The following MYT1L variants were observed in gnomAD, a reference collection of about 807,000 sequenced individuals.
The protein encoded by MYT1L is myelin transcription factor 1 like.
A neutral mutation model predicts 126.7 loss-of-function variants in MYT1L; 12 were observed. That is an observed-to-expected ratio of 0.09 (90% confidence interval 0.06 to 0.15). MYT1L has a LOEUF of 0.15. MYT1L is among the 10% of genes least tolerant of loss of function. The pLI, the probability that MYT1L is intolerant of heterozygous loss-of-function variation, is 1.00. For missense variants in MYT1L, 979 were observed against 1,585.2 expected (o/e 0.62, Z 6.49); for synonymous variants, 541 against 604.2 (o/e 0.90, Z 1.53).
At position 2,290,314 on chromosome 2, in the gene MYT1L, G is replaced by A. The variant is rs538276431; in HGVS notation, c.-520-5811C>T. Among the ~76,000 whole-genome samples the A allele has an allele frequency of 5.9e-5, 9 of 152,336 alleles. No homozygotes were observed. In the South Asian group the frequency reaches 1.7e-3, roughly 28 times the overall value. ...TGGCTTCCACTTCCATCTGAGGAGC[G>A]AGGCCTTCGTCTGCTTTCGTTTTTT... On this transcript the variant is annotated intron_variant, in intron 1 of 24. Coordinates refer to ENST00000647738, the MANE Select transcript of MYT1L (RefSeq NM_001303052.2).
chr2:1,829,525 ACACCTGTGAACTGACCCTCCCATG>A (rs1374735657), intron 21 of MYT1L, among the ~76,000 whole-genome samples: 6 of 47,364 alleles, frequency 1.3e-4, no homozygotes, highest in African/African-American at 2.2e-4. Flanking sequence ...ACCCTCCCAT[ACACCTGTGAACTGACCCTCCCATG>A]CACCTGTGAA....
chr2:2,318,996 G>A (rs2096116051), intron 1 of MYT1L, among the ~76,000 whole-genome samples: 1 of 152,162 alleles, frequency 6.6e-6, no homozygotes, highest in East Asian at 1.9e-4. Flanking sequence ...TGACTCAAGG[G>A]AAATGTGGCA....
At chr2:1,909,467 G>T (rs1359588412) in intron 13 of MYT1L, among the ~76,000 whole-genome samples, 1 of 152,154 alleles carries the variant, frequency 6.6e-6, no homozygotes, top group Non-Finnish European at 1.5e-5. Context: ...TTTCTGCTGT[G>T]ATGTTGTGTG....
rs147853325 is a variant in MYT1L at position 1,978,964 on chromosome 2, A to G, written c.152+201T>C. On this transcript the variant is annotated intron_variant, in intron 8 of 24. Coordinates refer to ENST00000647738, the MANE Select transcript of MYT1L (RefSeq NM_001303052.2). ...TGTGTCATCCTAAGGAGTGTCACCT[A>G]TTCTGCCCACGAGATCGAACGGCTT... Among the ~76,000 whole-genome samples, 648 of 152,226 alleles carry G rather than the reference A, an allele frequency of 4.3e-3. 1 individual carries two copies. The highest frequency in any genetic ancestry group is 7.4e-3 in the Non-Finnish European group (500 of 68,026).
intron 4 of MYT1L, among the ~76,000 whole-genome samples, chr2:2,052,462 G>A (rs1163972685): frequency 1.3e-5 from 2 of 152,142 alleles, no homozygotes; most frequent in African/African-American, 2.4e-5. Flanking sequence ...ACAACGAAAT[G>A]TTTGTGTGTC....
chr2:1,892,260 G>A lies in MYT1L; in HGVS notation c.2060C>T (p.Pro687Leu). 6.5e-7 allele frequency: 1 copy of A among 1,549,460 alleles called. No homozygotes were observed. Among genetic ancestry groups the A allele is most frequent in the Non-Finnish European group, 8.7e-7 (1 of 1,146,486 alleles). ...GTAGCTGCTGGTGCTGCTGCTGCTG[G>A]GGCTGGGGTCCTTGCAGTACCGCTT... ...DAKRYCKDPSPSSSSTSSYAP... is the reference protein window; with the variant it reads ...DAKRYCKDPSLSSSSTSSYAP... Residue 687 changes from proline (P) to leucine (L), a missense_variant, in exon 15 of 25, where the codon CCC becomes CTC. Pro to Leu is a moderately conservative substitution (Grantham distance 98). Around this residue, in one of 12 missense-constraint regions of MYT1L, gnomAD observed 57 missense variants for 60.3 expected, o/e 0.94. Transcript: ENST00000647738.
chr2:2,305,981 A>C (rs775718227), intron 1 of MYT1L: 1 of 152,228 alleles, frequency 6.6e-6, no homozygotes, highest in African/African-American at 2.4e-5. Context: ...TTCGGGAGCC[A>C]GTGTTCATCT....
At chr2:2,100,532 C>A (rs2077938862) in intron 3 of MYT1L, among the ~76,000 whole-genome samples, 1 of 152,126 alleles carries the variant, frequency 6.6e-6, no homozygotes, top group Non-Finnish European at 1.5e-5. Flanking sequence ...TTGATGTCAT[C>A]AGAAATAACA....
At chr2:1,993,198 G>A (rs890960943) in intron 5 of MYT1L, among the ~76,000 whole-genome samples, 13 of 152,136 alleles carry the variant, frequency 8.5e-5, no homozygotes, top group Admixed American at 6.5e-5. Context: ...CAATTCCCCC[G>A]TCTTGGTGAA....
chr2:1,882,170 C>T (rs551159358), intron 18 of MYT1L, among the ~76,000 whole-genome samples: 4 of 152,300 alleles, frequency 2.6e-5, no homozygotes, highest in East Asian at 1.9e-4. Flanking sequence ...TCAGCACAAG[C>T]GGGTACCACC....
At chr2:2,330,434 C>T (rs557664096) in intron 1 of MYT1L, among the ~76,000 whole-genome samples, 1 of 152,214 alleles carries the variant, frequency 6.6e-6, no homozygotes, top group Non-Finnish European at 1.5e-5. Context: ...TACAAAAAGA[C>T]ATATTTCTGT....
At chr2:1,945,053 A>G (rs968586027) in intron 8 of MYT1L, among the ~76,000 whole-genome samples, 2 of 152,206 alleles carry the variant, frequency 1.3e-5, no homozygotes, top group African/African-American at 4.8e-5. Context: ...AGACATGAAC[A>G]TATGTAAGAA....
At chr2:1,988,572 C>T (rs2061228092) in intron 5 of MYT1L, among the ~76,000 whole-genome samples, 1 of 152,236 alleles carries the variant, frequency 6.6e-6, no homozygotes, top group South Asian at 2.1e-4. Context: ...TGACAGCCTG[C>T]AGTGCCAGTG....
Position 2,236,757 on chromosome 2 carries a change from T to TTTCTTC in MYT1L, c.-421+47641_-421+47646dup, listed in dbSNP as rs760901038. ...ACTGGTGAAGACTCATTGGTTGTCC[T>TTTCTTC]TTCTTCTTCTTCTTCTTCTTCTTCT... On this transcript the variant is annotated intron_variant, in intron 2 of 24. Transcript: ENST00000647738. 2.5e-3 allele frequency among the ~76,000 whole-genome samples: 338 copies of TTTCTTC among 132,588 alleles called. 1 individual carries two copies. The highest frequency in any genetic ancestry group is 4.0e-3 in the Middle Eastern group (1 of 252). The allele number at this position is 132,588 out of a possible 152,430, so 87.0% of individuals were successfully genotyped here.
chr2:2,299,389 C>T (rs564352257), intron 1 of MYT1L, among the ~76,000 whole-genome samples: 31 of 152,312 alleles, frequency 2.0e-4, no homozygotes, highest in Admixed American at 1.4e-3. Flanking sequence ...TGGATGCCTG[C>T]GGGCTGGCAA....
intron 2 of MYT1L, among the ~76,000 whole-genome samples, chr2:2,281,476 G>C (rs573738098): frequency 1.3e-5 from 2 of 152,300 alleles, no homozygotes; most frequent in South Asian, 4.1e-4. Context: ...GTAAATGCTT[G>C]TGTCTTCCTG....
At chr2:1,881,275 G>A (rs1159105332) in intron 18 of MYT1L, among the ~76,000 whole-genome samples, 1 of 152,040 alleles carries the variant, frequency 6.6e-6, no homozygotes, top group Admixed American at 6.6e-5. Context: ...AGGAAAGACC[G>A]AGGCATTTCT....
intron 4 of MYT1L, among the ~76,000 whole-genome samples, chr2:2,010,810 T>C (rs185285913): frequency 6.6e-6 from 1 of 152,286 alleles, no homozygotes; most frequent in East Asian, 1.9e-4. Flanking sequence ...GTGCCACATA[T>C]GGACAGACAT....
intron 2 of MYT1L, among the ~76,000 whole-genome samples, chr2:2,178,431 C>T (rs2091060304): frequency 6.6e-6 from 1 of 152,204 alleles, no homozygotes; most frequent in South Asian, 2.1e-4. Flanking sequence ...ATTAAAAAAC[C>T]TTCTTCCATG....
Sources: allele counts gnomAD v4.1 joint callset (sites outside exome capture counted in the v4.1 genomes callset), GRCh38; gene constraint gnomAD v4.1.1; regional missense constraint gnomAD v4.1.1; transcripts MANE v1.5; gene names NCBI Gene and HGNC (gene_info 2026-07-23, HGNC 2026-07-21).